The following SUFU variants were observed in gnomAD, a reference collection of about 807,000 sequenced individuals.
SUFU encodes suppressor of fused homolog.
SUFU carries 7 observed loss-of-function variants against 58.9 expected under a neutral mutation model. The observed-to-expected ratio is 0.12, with a 90% CI of 0.07 to 0.22. The LOEUF (loss-of-function observed/expected upper bound fraction) is 0.22. Among genes scored for constraint, SUFU ranks in the 10% least tolerant of loss-of-function variants. The pLI is 1.00. For missense variants in SUFU, 451 were observed against 641.3 expected, an observed-to-expected ratio of 0.70 and a Z score of 3.20; for synonymous variants, 232 against 254.8, an observed-to-expected ratio of 0.91 and a Z score of 0.85.
intron 2 of SUFU, among the ~76,000 whole-genome samples, chr10:102,533,063 G>A (rs749098746): frequency 1.8e-4 from 28 of 152,026 alleles, no homozygotes; most frequent in Non-Finnish European, 3.4e-4. Flanking sequence ...AGAAGGGAGG[G>A]GGCAGAGTTG....
chr10:102,596,993 G>A (rs545094123), intron 6 of SUFU, 147 bp from the exon 7 acceptor site: 1 of 934,936 alleles, frequency 1.1e-6, no homozygotes, highest in Non-Finnish European at 1.7e-6. Flanking sequence ...GGCAGAACAA[G>A]GTCAGAGATC....
At chr10:102,626,644 A>C (rs1414715234) in intron 10 of SUFU, among the ~76,000 whole-genome samples, 1 of 152,080 alleles carries the variant, frequency 6.6e-6, no homozygotes, top group East Asian at 1.9e-4. Flanking sequence ...ACGTTGGTCC[A>C]CAATCTCCAG....
intron 2 of SUFU, among the ~76,000 whole-genome samples, chr10:102,527,763 A>AT (rs142629066): frequency 0.043 from 6,613 of 152,222 alleles, 457 homozygotes; most frequent in African/African-American, 0.15. Flanking sequence ...GAAATGCCAA[A>AT]AAGATTTGTT....
chr10:102,524,362 G>C (rs1014501450), intron 2 of SUFU, among the ~76,000 whole-genome samples: 3 of 119,088 alleles, frequency 2.5e-5, no homozygotes, highest in Non-Finnish European at 4.9e-5. Context: ...GTCTAGCTCT[G>C]TTGCCCAGGC....
At chr10:102,543,659 G>T (rs891205740) in intron 2 of SUFU, among the ~76,000 whole-genome samples, 2 of 152,124 alleles carry the variant, frequency 1.3e-5, no homozygotes, top group Admixed American at 6.6e-5. Context: ...CTGGACATTT[G>T]ATGTAAGTAT....
In SUFU at chr10:102,550,430, C is replaced by A. The variant is rs141071436; in HGVS notation, c.454+324C>A. Among the ~76,000 whole-genome samples, 712 of 152,326 alleles carry A rather than the reference C, an allele frequency of 4.7e-3. 3 individuals are homozygous for A. The highest frequency in any genetic ancestry group is 6.1e-3 in the Non-Finnish European group (418 of 68,024). On this transcript the variant is annotated intron_variant, in intron 3 of 11. Coordinates refer to ENST00000369902, the MANE Select transcript of SUFU (RefSeq NM_016169.4). ...TTCTCTGTGGCTAATTGCTCAGAAG[C>A]ATTTCCCATCTGATCTCAGATTTTG...
intron 3 of SUFU, among the ~76,000 whole-genome samples, chr10:102,571,318 T>G (rs1425666379): frequency 6.6e-6 from 1 of 152,210 alleles, no homozygotes; most frequent in African/African-American, 2.4e-5. Context: ...AATTTATCTT[T>G]TTTTGGGTTG....
At chr10:102,506,596 C>G (rs1420415290) in intron 1 of SUFU, among the ~76,000 whole-genome samples, 1 of 152,180 alleles carries the variant, frequency 6.6e-6, no homozygotes, top group Non-Finnish European at 1.5e-5. Context: ...CCAGGCTGGT[C>G]TCGAACTCCT....
At position 102,619,424 on chromosome 10, in the gene SUFU, G is replaced by A. The variant is rs543245689; in HGVS notation, c.1296+1996G>A. 229 of 1,338,886 alleles carry A rather than the reference G, an allele frequency of 1.7e-4. No homozygotes were observed. The highest frequency in any genetic ancestry group is 2.0e-4 in the Non-Finnish European group (212 of 1,039,884). The allele number at this position is 1,338,886 out of a possible 1,614,324, so 82.9% of individuals were successfully genotyped here. A position where few individuals can be genotyped will look rare whatever the true frequency, so the allele number is the denominator to read the frequency against. The stretch of plus-strand genomic sequence containing the variant: ...GCGGTGGGAACGAGCTGCTGGCCTC[G>A]GCATGTTTCAATAAAGTTGCTGTGC... On this transcript the variant is annotated intron_variant, in intron 10 of 11. Transcript: ENST00000369902. This position sits in a 1 kb window ranked among gnomAD's most constrained non-coding sequence, Gnocchi z 4.2.
chr10:102,513,785 A>G (rs1384121677), intron 2 of SUFU, among the ~76,000 whole-genome samples: 1 of 152,248 alleles, frequency 6.6e-6, no homozygotes, highest in East Asian at 1.9e-4. Flanking sequence ...TCAGTATTTC[A>G]AAAACTTCTA....
chr10:102,598,084 A>T (rs534963036), intron 7 of SUFU, among the ~76,000 whole-genome samples: 70 of 152,310 alleles, frequency 4.6e-4, no homozygotes, highest in African/African-American at 1.0e-3. Context: ...CATATATGAT[A>T]ACACTTATAA....
chr10:102,582,645 G>A (rs940465868), intron 3 of SUFU, among the ~76,000 whole-genome samples: 17 of 152,220 alleles, frequency 1.1e-4, no homozygotes, highest in Non-Finnish European at 5.9e-5. Flanking sequence ...TCCCAAGTGA[G>A]CAAGGTGTAG....
At chr10:102,567,006 CT>C (rs1175563323) in intron 3 of SUFU, among the ~76,000 whole-genome samples, 1 of 64,666 alleles carries the variant, frequency 1.5e-5, no homozygotes, top group Admixed American at 2.9e-4. Flanking sequence ...GAAACAGGCT[CT>C]TTTTTTTTTT....
intron 2 of SUFU, among the ~76,000 whole-genome samples, chr10:102,523,362 A>G (rs990231447): frequency 1.3e-5 from 2 of 152,000 alleles, no homozygotes; most frequent in Non-Finnish European, 2.9e-5. Flanking sequence ...TCTTACTCTG[A>G]CCTCAGGCCT....
intron 8 of SUFU, among the ~76,000 whole-genome samples, chr10:102,610,486 G>A (rs1188986965): frequency 6.6e-6 from 1 of 151,998 alleles, no homozygotes; most frequent in Non-Finnish European, 1.5e-5. Context: ...TTAGCAAGAT[G>A]TTTTGAGAAC....
intron 2 of SUFU, among the ~76,000 whole-genome samples, chr10:102,534,558 G>A (rs2062713703): frequency 1.3e-5 from 2 of 152,254 alleles, no homozygotes; most frequent in South Asian, 2.1e-4. Context: ...TTCCAATGAC[G>A]GCCTCCCTTC....
intron 3 of SUFU, among the ~76,000 whole-genome samples, chr10:102,582,348 G>A (rs1236243417): frequency 1.3e-5 from 2 of 152,172 alleles, no homozygotes; most frequent in Non-Finnish European, 2.9e-5. Flanking sequence ...AGAACTCAAG[G>A]AATGTATTTG....
chr10:102,545,129 G>A (rs2062840962), intron 2 of SUFU, among the ~76,000 whole-genome samples: 1 of 148,396 alleles, frequency 6.7e-6, no homozygotes, highest in Non-Finnish European at 1.5e-5. Context: ...TTTTTTTTTA[G>A]ACAAGGTCTT....
intron 3 of SUFU, among the ~76,000 whole-genome samples, chr10:102,559,043 C>T (rs937891164): frequency 3.3e-5 from 5 of 152,192 alleles, no homozygotes; most frequent in African/African-American, 1.2e-4. Context: ...TCTCTGCCTT[C>T]CTTAGCACTT....
Sources: allele counts gnomAD v4.1 joint callset (sites outside exome capture counted in the v4.1 genomes callset), GRCh38; gene constraint gnomAD v4.1.1; non-coding constraint Gnocchi (gnomAD v3.1); transcripts MANE v1.5; gene names NCBI Gene and HGNC (gene_info 2026-07-23, HGNC 2026-07-21).